LPIN3: variants seen among roughly 807,000 people sequenced by gnomAD.
LPIN3 encodes lipin 3.
Under a neutral mutation model 94.7 loss-of-function variants are expected in LPIN3, and 82 were observed. The observed-to-expected ratio is 0.87, with a 90% CI of 0.72 to 1.04. The LOEUF is 1.04. Among genes scored for constraint, LPIN3 ranks in the 50% least tolerant of loss-of-function variants. LPIN3 has a pLI of 0.00. For synonymous variants in LPIN3, 418 were observed against 443.3 expected (o/e 0.94, Z 0.72); for missense variants, 996 against 1,090.5 (o/e 0.91, Z 1.22).
rs772920285 is a variant in LPIN3 at position 41,357,942 on chromosome 20, G to A, written c.2100G>A (p.Lys700=). Residue 700 remains lysine (K), a synonymous_variant, in exon 17 of 20, where the codon AAG becomes AAA. Transcript: ENST00000373257. ...ARAIGMADLT[K]GYLQWVSEGG... ...CCATTGGCATGGCGGACCTCACCAAGGGGTACCTGCAGTGGGTGAGCGAGG... is the reference window on the plus strand; with the variant it reads ...CCATTGGCATGGCGGACCTCACCAAAGGGTACCTGCAGTGGGTGAGCGAGG... The A allele has an allele frequency of 3.7e-6, 6 of 1,613,942 alleles. No individual in the cohort carries two copies. Among genetic ancestry groups the A allele is most frequent in the Non-Finnish European group, 5.1e-6 (6 of 1,180,000 alleles).
intron 13 of LPIN3, 99 bp downstream of exon 13, chr20:41,354,962 G>A: frequency 1.7e-6 from 2 of 1,198,628 alleles, no homozygotes; most frequent in South Asian, 1.6e-5. Context: ...CCTGTCTCCA[G>A]CTGTGGGTTT....
intron 17 of LPIN3, 41 bp from the exon 18 acceptor site, chr20:41,358,196 T>A: frequency 1.2e-6 from 2 of 1,604,278 alleles, no homozygotes; most frequent in Non-Finnish European, 1.7e-6. Context: ...GCTTCTTCCC[T>A]ACTTTGGCCC....
At chr20:41,346,083 G>A in intron 2 of LPIN3, 88 bp downstream of exon 2, 3 of 1,344,024 alleles carry the variant, frequency 2.2e-6, no homozygotes, top group Non-Finnish European at 3.1e-6. Context: ...AGGACCTGGG[G>A]CCTCCCTTAG....
In LPIN3 at chr20:41,345,862, G is replaced by A. The variant is rs75620173; in HGVS notation, c.59G>A (p.Arg20Gln). Residue 20 changes from arginine (R) to glutamine (Q), a missense_variant, in exon 2 of 20, where the codon CGG (arginine) becomes CAG (glutamine). Physicochemically the swap from Arg to Gln is conservative, Grantham distance 43. Transcript: ENST00000373257. ...TVFGTVKELY[R>Q]GLNPATLSGG... The stretch of plus-strand genomic sequence containing the variant: ...TTTGGGACGGTGAAGGAGCTGTACC[G>A]GGGCCTGAACCCAGCCACACTGAGC... The A allele has an allele frequency of 0.011, 17,662 of 1,614,190 alleles. 134 individuals are homozygous for A. The highest frequency in any genetic ancestry group is 0.014 in the Admixed American group (829 of 60,026).
chr20:41,352,329 T>A, intron 9 of LPIN3, 109 bp downstream of exon 9: 1 of 1,274,988 alleles, frequency 7.8e-7, no homozygotes, highest in Non-Finnish European at 1.1e-6. Flanking sequence ...AGGCTGGGCT[T>A]CCCTGCAGCT....
chr20:41,342,582 G>A (rs919519778), intron 1 of LPIN3, among the ~76,000 whole-genome samples: 1 of 152,224 alleles, frequency 6.6e-6, no homozygotes, highest in Non-Finnish European at 1.5e-5. Context: ...GTAGAGCTGG[G>A]TCCTGGGAAA....
In LPIN3 at chr20:41,354,753, C is replaced by G. The variant is rs776009207; in HGVS notation, c.1620+16C>G. ...GGCCGAGGAGGTGGGTGGTCACAGT[C>G]GAGGGCCAGGGCCAGGGCCAGCACA... On this transcript the variant is annotated intron_variant, in intron 12 of 19. Transcript: ENST00000373257. 1.9e-5 allele frequency: 31 copies of G among 1,607,588 alleles called. No homozygotes were observed. The highest frequency in any genetic ancestry group is 1.3e-5 in the African/African-American group (1 of 74,772).
At chr20:41,348,585 A>C in intron 3 of LPIN3, 34 bp from the exon 4 acceptor site, 1 of 1,571,120 alleles carries the variant, frequency 6.4e-7, no homozygotes, top group African/African-American at 1.3e-5. Flanking sequence ...CACTAGGGTC[A>C]GCCCCCGACC....
chr20:41,349,537 CCCTT>C lies in LPIN3; in HGVS notation c.639-221_639-218del, dbSNP rs752063163. Among the ~76,000 whole-genome samples the C allele has an allele frequency of 9.9e-5, 15 of 151,778 alleles. No homozygotes were observed. The East Asian group carries it at 1.4e-3, about 14-fold the overall frequency. On this transcript the variant is annotated intron_variant, in intron 5 of 19. Transcript: ENST00000373257. ...CCATCTTCTTTTTTTTTCCTTCCTTCCCTTCCTTCCTTCCTTCCTCCCTCCCATC... is the reference window on the plus strand; with the variant it reads ...CCATCTTCTTTTTTTTTCCTTCCTTCCCTTCCTTCCTTCCTCCCTCCCATC...
Position 41,348,692 on chromosome 20 carries a change from AG to A in LPIN3, c.363del (p.Gln121HisfsTer60). 1 of 1,613,918 alleles carries A rather than the reference AG, an allele frequency of 6.2e-7. No individual in the cohort carries two copies. Among genetic ancestry groups the A allele is most frequent in the South Asian group, 1.1e-5 (1 of 91,058 alleles). On this transcript the variant is annotated frameshift_variant, in exon 4 of 20. Transcript: ENST00000373257. LOFTEE classifies it high-confidence loss of function. ...CTGTCTGGCTTCCCCTCGGACTCCCAGCTGGGCACTGCCAGTGAGCCTGAGG... is the reference window on the plus strand; with the variant it reads ...CTGTCTGGCTTCCCCTCGGACTCCCACTGGGCACTGCCAGTGAGCCTGAGG... Reference protein sequence around the residue: ...GGLSGFPSDSQLGTASEPEGL... With the variant: ...GGLSGFPSDSXLGTASEPEGL...
intron 2 of LPIN3, 76 bp downstream of exon 2, chr20:41,346,071 A>T: frequency 2.1e-6 from 3 of 1,457,390 alleles, no homozygotes; most frequent in Non-Finnish European, 2.8e-6. Context: ...CAGTCCCAGG[A>T]CAGGACCTGG....
intron 5 of LPIN3, 52 bp downstream of exon 5, chr20:41,349,224 T>A: frequency 1.3e-6 from 2 of 1,526,200 alleles, no homozygotes; most frequent in Non-Finnish European, 1.8e-6. Context: ...GGTCTGAGGT[T>A]TCCATTTGCA....
intron 2 of LPIN3, among the ~76,000 whole-genome samples, chr20:41,347,210 C>T (rs1311757474): frequency 6.6e-6 from 1 of 152,322 alleles, no homozygotes; most frequent in Non-Finnish European, 1.5e-5. Context: ...GAGACCACGT[C>T]CCTATTCTTA....
chr20:41,357,661 C>T (rs1038249546), intron 16 of LPIN3, among the ~76,000 whole-genome samples: 7 of 152,250 alleles, frequency 4.6e-5, no homozygotes, highest in African/African-American at 1.4e-4. Context: ...TACTGGCCTG[C>T]AGCCGGAGGG....
At position 41,357,172 on chromosome 20, in the gene LPIN3, G is replaced by C. The variant is rs1264897419; in HGVS notation, c.1936G>C (p.Asp646His). 2.5e-6 allele frequency: 4 copies of C among 1,613,926 alleles called. No homozygotes were observed. The highest frequency in any genetic ancestry group is 2.7e-5 in the African/African-American group (2 of 74,934). ...WDDKVVISDI[D>H]GTITKSDALG... ...CGACAAGGTGGTCATCTCTGACATC[G>C]ACGGCACCATCACCAAGTGAGGCCC... The change falls in exon 15 of 20, where the codon GAC becomes CAC. Residue 646 changes from aspartate to histidine, a missense_variant. Coordinates refer to ENST00000373257, the MANE Select transcript of LPIN3 (RefSeq NM_022896.3).
chr20:41,346,026 T>C, intron 2 of LPIN3, 31 bp downstream of exon 2: 1 of 1,598,070 alleles, frequency 6.3e-7, no homozygotes, highest in South Asian at 1.1e-5. Context: ...AGGTGGCTAC[T>C]GCAGAGTGGG....
chr20:41,358,638 G>GGGACAA, intron 19 of LPIN3, 84 bp from the exon 20 acceptor site: 11 of 1,604,858 alleles, frequency 6.9e-6, no homozygotes, highest in Non-Finnish European at 8.5e-6. Flanking sequence ...CGGGGAGTCT[G>GGGACAA]TCCCTTACTC....
Position 41,350,378 on chromosome 20 carries a change from G to C in LPIN3, c.1083G>C (p.Glu361Asp). 1 of 1,575,834 alleles carries C rather than the reference G, an allele frequency of 6.3e-7. No individual in the cohort carries two copies. Among genetic ancestry groups the C allele is most frequent in the South Asian group, 1.2e-5 (1 of 86,200 alleles). ...TTCCAGTTCCCACCGGGCAGCCAGA[G>C]AGGGTCTCCAGGGGGAAAGGTGAGT... Reference protein sequence around the residue: ...LEVPVPTGQPERVSRGKGSPK... With the variant: ...LEVPVPTGQPDRVSRGKGSPK... Residue 361 changes from glutamate (E) to aspartate (D), a missense_variant, in exon 7 of 20, where the codon GAG (glutamate) becomes GAC (aspartate). Coordinates refer to ENST00000373257, the MANE Select transcript of LPIN3 (RefSeq NM_022896.3).
chr20:41,348,465 C>T (rs1332104773), intron 3 of LPIN3, among the ~76,000 whole-genome samples, 154 bp from the exon 4 acceptor site: 1 of 152,160 alleles, frequency 6.6e-6, no homozygotes, highest in Non-Finnish European at 1.5e-5. Context: ...CCAGCAGTGG[C>T]TACAGGGCCA....
Sources: allele counts gnomAD v4.1 joint callset (sites outside exome capture counted in the v4.1 genomes callset), GRCh38; gene constraint gnomAD v4.1.1; transcripts MANE v1.5; gene names NCBI Gene and HGNC (gene_info 2026-07-23, HGNC 2026-07-21).